The following ZDHHC21 variants were observed in gnomAD, a reference collection of about 807,000 sequenced individuals.
ZDHHC21 encodes zDHHC palmitoyltransferase 21.
Under a neutral mutation model 34.6 loss-of-function variants are expected in ZDHHC21, and 15 were observed. The ratio of observed to expected loss-of-function variants is 0.43; its 90% CI spans 0.29 to 0.67. The LOEUF is 0.67. Among genes scored for constraint, ZDHHC21 ranks in the 30% least tolerant of loss-of-function variants. The pLI, the probability that ZDHHC21 is intolerant of heterozygous loss-of-function variation, is 0.14. For missense variants in ZDHHC21, 344 were observed against 327.7 expected (o/e 1.05, Z -0.38); for synonymous variants, 142 against 101.8 (o/e 1.40, Z -2.38).
In ZDHHC21 at chr9:14,614,549, C is replaced by T. The variant is rs955844431; in HGVS notation, c.*4417G>A. On this transcript the variant is annotated 3_prime_UTR_variant, in exon 10 of 10. Transcript: ENST00000380916. ...TAGTTCAAGCAAGTTGGTTCTAATACTTTCTTATACTGTACTGTGGAATAT... is the reference window on the plus strand; with the variant it reads ...TAGTTCAAGCAAGTTGGTTCTAATATTTTCTTATACTGTACTGTGGAATAT... 1 of 151,688 alleles carries T rather than the reference C, an allele frequency of 6.6e-6. No individual in the cohort carries two copies. The highest frequency in any genetic ancestry group is 1.5e-5 in the Non-Finnish European group (1 of 67,728). The allele number at this position is 151,688 out of a possible 1,614,324, so 9.4% of individuals were successfully genotyped here.
intron 3 of ZDHHC21, among the ~76,000 whole-genome samples, chr9:14,676,242 G>A (rs1243560778): frequency 6.6e-6 from 1 of 151,942 alleles, no homozygotes; most frequent in African/African-American, 2.4e-5. Context: ...TGTTTTTCTG[G>A]TTGATTAGAT....
chr9:14,607,439 C>A, downstream of ZDHHC21, among the ~76,000 whole-genome samples: 1 of 152,004 alleles, frequency 6.6e-6, no homozygotes, highest in Admixed American at 6.5e-5. Context: ...TAGGGATAAT[C>A]ATATATCATT....
At chr9:14,640,040 C>T (rs762449651) in intron 7 of ZDHHC21, 28 bp from the exon 8 acceptor site, 1 of 1,422,212 alleles carries the variant, frequency 7.0e-7, no homozygotes. Flanking sequence ...GTCTTAAAAA[C>T]CATTCAGAGT....
chr9:14,678,988 A>G (rs1253507059), intron 3 of ZDHHC21, among the ~76,000 whole-genome samples: 1 of 152,086 alleles, frequency 6.6e-6, no homozygotes, highest in African/African-American at 2.4e-5. Flanking sequence ...GGAAAGAGAC[A>G]GGGATAGAGA....
At chr9:14,638,949 A>C (rs1429361878) in intron 8 of ZDHHC21, among the ~76,000 whole-genome samples, 1 of 151,988 alleles carries the variant, frequency 6.6e-6, no homozygotes. Context: ...AATACTGAGA[A>C]TTCTTAAAAA....
At position 14,612,463 on chromosome 9, in the gene ZDHHC21, G is replaced by T. The variant is rs1472155781; in HGVS notation, c.*6503C>A. On this transcript the variant is annotated 3_prime_UTR_variant, in exon 10 of 10. Transcript: ENST00000380916. ...AATATACATAGCAGCATTACATTTGGACAATTACATTTCAAAGGTGTTTTA... is the reference window on the plus strand; with the variant it reads ...AATATACATAGCAGCATTACATTTGTACAATTACATTTCAAAGGTGTTTTA... 1 of 151,904 alleles carries T rather than the reference G, an allele frequency of 6.6e-6. No homozygotes were observed. The highest frequency in any genetic ancestry group is 1.5e-5 in the Non-Finnish European group (1 of 67,910). 9.4% of individuals were successfully genotyped at this position (151,904 alleles called of 1,614,324 possible). A position where few individuals can be genotyped will look rare whatever the true frequency, so the allele number is the denominator to read the frequency against.
Position 14,613,927 on chromosome 9 carries a change from A to C in ZDHHC21, c.*5039T>G, listed in dbSNP as rs1823751748. The C allele has an allele frequency of 6.6e-6, 1 of 151,764 alleles. No individual in the cohort carries two copies. The highest frequency in any genetic ancestry group is 2.1e-4 in the South Asian group (1 of 4,830). The allele number at this position is 151,764 out of a possible 1,614,324, so 9.4% of individuals were successfully genotyped here. ...ACTTCACATGATCATACTCTACACAATTATATTTAAAACTAAAATATTTAT... is the reference window on the plus strand; with the variant it reads ...ACTTCACATGATCATACTCTACACACTTATATTTAAAACTAAAATATTTAT... On this transcript the variant is annotated 3_prime_UTR_variant, in exon 10 of 10. Transcript: ENST00000380916.
At chr9:14,691,100 T>C (rs1392472201) in intron 1 of ZDHHC21, among the ~76,000 whole-genome samples, 1 of 152,204 alleles carries the variant, frequency 6.6e-6, no homozygotes, top group Non-Finnish European at 1.5e-5. Context: ...TCACCTCCTA[T>C]GCTAAAAAAG....
At chr9:14,622,451 C>G (rs946624865) in intron 8 of ZDHHC21, 1 of 869,550 alleles carries the variant, frequency 1.2e-6, no homozygotes, top group Non-Finnish European at 1.4e-6. Flanking sequence ...AAAGAGATAT[C>G]TCTTGGCTTG....
rs545449218 is a variant in ZDHHC21 at position 14,616,928 on chromosome 9, A to G, written c.*2038T>C. 3 of 151,980 alleles carry G rather than the reference A, an allele frequency of 2.0e-5. No individual in the cohort carries two copies. The South Asian group carries it at 6.2e-4, about 32-fold the overall frequency. The allele number at this position is 151,980 out of a possible 1,614,324, so 9.4% of individuals were successfully genotyped here. A position where few individuals can be genotyped will look rare whatever the true frequency, so the allele number is the denominator to read the frequency against. ...GTAAATCTAGGAAAAATAAGAGCAC[A>G]AATCATCAGAGTGGGAAAGAGACCC... On this transcript the variant is annotated 3_prime_UTR_variant, in exon 10 of 10. Coordinates refer to ENST00000380916, the MANE Select transcript of ZDHHC21 (RefSeq NM_178566.6).
At chr9:14,603,444 A>G in the ZDHHC21 span, among the ~76,000 whole-genome samples, 5 of 152,280 alleles carry the variant, frequency 3.3e-5, no homozygotes, top group South Asian at 1.0e-3. Context: ...AAGGACACAA[A>G]TGACACTGCA....
chr9:14,607,082 CAAAA>C (rs3081725), downstream of ZDHHC21, among the ~76,000 whole-genome samples: 13 of 131,718 alleles, frequency 9.9e-5, no homozygotes, highest in Non-Finnish European at 1.4e-4. Context: ...TTACTAATAG[CAAAA>C]AAAAAAAAAA....
In ZDHHC21 at chr9:14,693,312, C is replaced by A. The variant is rs1179054693; in HGVS notation, c.-308G>T. The A allele has an allele frequency of 2.4e-6, 1 of 417,486 alleles. No individual in the cohort carries two copies. Among genetic ancestry groups the A allele is most frequent in the Non-Finnish European group, 4.7e-6 (1 of 211,816 alleles). 25.9% of individuals were successfully genotyped at this position (417,486 alleles called of 1,614,324 possible). A position where few individuals can be genotyped will look rare whatever the true frequency, so the allele number is the denominator to read the frequency against. ...CCCTCCTCCTGCCGCGCCACCTCCG[C>A]CTCCTCCGGCGCCGCCGCCCAGGCC... On this transcript the variant is annotated 5_prime_UTR_variant, in exon 1 of 10. Coordinates refer to ENST00000380916, the MANE Select transcript of ZDHHC21 (RefSeq NM_178566.6).
intron 5 of ZDHHC21, among the ~76,000 whole-genome samples, chr9:14,668,406 C>T (rs1347147616): frequency 4.8e-5 from 3 of 62,766 alleles, no homozygotes; most frequent in African/African-American, 1.2e-4. Context: ...GAATCAATAT[C>T]GTGAAAATGG....
At position 14,658,764 on chromosome 9, in the gene ZDHHC21, T is replaced by C. The variant is rs1232064417; in HGVS notation, c.489A>G (p.Leu163=). Reference sequence around the variant, plus strand: ...CATTTCTTACCAAATTACGCTTTTTTAGTGGAAGAAAATAGTAATAGTGGC... The same window carrying C: ...CATTTCTTACCAAATTACGCTTTTTCAGTGGAAGAAAATAGTAATAGTGGC... ...SFCHYYYFLP[L]KKRNLDLFVF... The change falls in exon 7 of 10, where the codon CTA becomes CTG. Residue 163 remains leucine (L), a synonymous_variant. Transcript: ENST00000380916. 2 of 1,613,612 alleles carry C rather than the reference T, an allele frequency of 1.2e-6. No individual in the cohort carries two copies. The highest frequency in any genetic ancestry group is 1.7e-6 in the Non-Finnish European group (2 of 1,179,890).
chr9:14,683,119 A>C (rs967311432), intron 2 of ZDHHC21, among the ~76,000 whole-genome samples: 3 of 152,180 alleles, frequency 2.0e-5, no homozygotes, highest in African/African-American at 7.2e-5. Context: ...CATCACAATT[A>C]AAAGAACTAG....
chr9:14,648,249 G>A (rs955068887), intron 7 of ZDHHC21, among the ~76,000 whole-genome samples: 1 of 151,990 alleles, frequency 6.6e-6, no homozygotes, highest in Non-Finnish European at 1.5e-5. Flanking sequence ...TATTTGGACG[G>A]TATTTTAGCA....
chr9:14,654,407 G>A (rs1331349713), intron 7 of ZDHHC21, among the ~76,000 whole-genome samples: 2 of 138,242 alleles, frequency 1.4e-5, no homozygotes, highest in African/African-American at 2.7e-5. Context: ...CAAAAAAAAA[G>A]AGTAAATCAA....
chr9:14,602,554 T>C, the ZDHHC21 span, among the ~76,000 whole-genome samples: 9 of 151,586 alleles, frequency 5.9e-5, no homozygotes, highest in Admixed American at 5.9e-4. Flanking sequence ...AACTGTCAAA[T>C]GCCAAAGCCA....
Sources: allele counts gnomAD v4.1 joint callset (sites outside exome capture counted in the v4.1 genomes callset), GRCh38; gene constraint gnomAD v4.1.1; transcripts MANE v1.5; gene names NCBI Gene and HGNC (gene_info 2026-07-23, HGNC 2026-07-21).